CTSB: variants seen among roughly 807,000 people sequenced by gnomAD.
CTSB encodes the protein cathepsin B, also known as APP secretase.
CTSB carries 57 observed loss-of-function variants against 44.3 expected under a neutral mutation model. The ratio of observed to expected loss-of-function variants is 1.29; its 90% CI spans 1.04 to 1.60. The LOEUF (loss-of-function observed/expected upper bound fraction) is 1.60. Ranked by LOEUF, CTSB falls within the 40% of genes most tolerant of loss-of-function variation. The pLI, the probability that CTSB is intolerant of heterozygous loss-of-function variation, is 0.00. For missense variants in CTSB, 768 were observed against 443.0 expected (o/e 1.73, Z -6.59); for synonymous variants, 320 against 168.0 (o/e 1.91, Z -7.00).
intron 8 of CTSB, 102 bp from the exon 9 acceptor site, chr8:11,845,891 C>T (rs894676698): frequency 1.4e-6 from 2 of 1,381,756 alleles, no homozygotes; most frequent in African/African-American, 2.9e-5. Context: ...GGAGAAACAG[C>T]TTCCAGAGGG....
chr8:11,852,769 G>C, intron 2 of CTSB, 74 bp from the exon 3 acceptor site: 1 of 1,412,120 alleles, frequency 7.1e-7, no homozygotes, highest in South Asian at 1.2e-5. Context: ...CACACACGAA[G>C]CCCAACCCAG....
intron 1 of CTSB, among the ~76,000 whole-genome samples, chr8:11,858,127 C>T (rs1815817305): frequency 6.6e-6 from 1 of 152,102 alleles, no homozygotes; most frequent in African/African-American, 2.4e-5. Context: ...ATGAGGAGGA[C>T]CAAAGCGCCG....
chr8:11,859,766 T>TC (rs1312014566), intron 1 of CTSB, among the ~76,000 whole-genome samples: 7 of 15,300 alleles, frequency 4.6e-4, no homozygotes, highest in Admixed American at 1.2e-3. Context: ...AGACTCTGTC[T>TC]CAAAAAAAAA....
chr8:11,862,369 C>T (rs573055691), intron 1 of CTSB: 22 of 152,326 alleles, frequency 1.4e-4, no homozygotes, highest in African/African-American at 4.3e-4. Context: ...AGAGCAGCGC[C>T]ATCTGGGAGA....
chr8:11,845,083 C>T lies in CTSB; in HGVS notation c.*42G>A. 1 of 1,311,434 alleles carries T rather than the reference C, an allele frequency of 7.6e-7. No homozygotes were observed. The highest frequency in any genetic ancestry group is 1.1e-6 in the Non-Finnish European group (1 of 904,892). 81.2% of individuals were successfully genotyped at this position (1,311,434 alleles called of 1,614,324 possible). Reference sequence around the variant, plus strand: ...TTAAAGAATAAAATGCATTTCTACCCCGATCTCGCCCCCAGGACTGGCACG... The same window carrying T: ...TTAAAGAATAAAATGCATTTCTACCTCGATCTCGCCCCCAGGACTGGCACG... On this transcript the variant is annotated 3_prime_UTR_variant, in exon 10 of 10. Coordinates refer to ENST00000353047, the MANE Select transcript of CTSB (RefSeq NM_001908.5).
chr8:11,857,187 CTAATTTTTGTAGTATAG>C, intron 1 of CTSB, among the ~76,000 whole-genome samples: 3 of 152,148 alleles, frequency 2.0e-5, no homozygotes, highest in Non-Finnish European at 4.4e-5. Flanking sequence ...CCACGTTTGG[CTAATTTTTGTAGTATAG>C]TCCGTGTTTC....
rs1817440999 is a variant in CTSB, at chr8:11,868,051, T to C, written c.-76A>G. 6.6e-6 allele frequency: 1 copy of C among 152,470 alleles called. No individual in the cohort carries two copies. The highest frequency in any genetic ancestry group is 2.4e-5 in the African/African-American group (1 of 41,376). 9.4% of individuals were successfully genotyped at this position (152,470 alleles called of 1,614,324 possible). ...GCCCAGCCTGCGCGCAGCGGAGCGGTTGGCGTTGCCGGAGCGGTTGCCGGA... is the reference window on the plus strand; with the variant it reads ...GCCCAGCCTGCGCGCAGCGGAGCGGCTGGCGTTGCCGGAGCGGTTGCCGGA... On this transcript the variant is annotated 5_prime_UTR_variant, in exon 1 of 10. Transcript: ENST00000353047.
intron 1 of CTSB, among the ~76,000 whole-genome samples, chr8:11,863,083 T>C (rs1264062399): frequency 1.3e-5 from 2 of 152,152 alleles, no homozygotes; most frequent in African/African-American, 4.8e-5. Flanking sequence ...GAGGCCAAGG[T>C]GGGAAGATTG....
In CTSB at chr8:11,843,485, C is replaced by T. The variant is rs1331186077; in HGVS notation, c.*1640G>A. ...GCTGGTTCTTCTAGTTTGCTCTATA[C>T]CAAGAACTGCTATAACATGTTTCTA... On this transcript the variant is annotated 3_prime_UTR_variant, in exon 10 of 10. Coordinates refer to ENST00000353047, the MANE Select transcript of CTSB (RefSeq NM_001908.5). 1 of 152,202 alleles carries T rather than the reference C, an allele frequency of 6.6e-6. No homozygotes were observed. Among genetic ancestry groups the T allele is most frequent in the African/African-American group, 2.4e-5 (1 of 41,426 alleles). The allele number at this position is 152,202 out of a possible 1,614,324, so 9.4% of individuals were successfully genotyped here.
chr8:11,845,617 GC>G, intron 9 of CTSB, 43 bp downstream of exon 9: 2 of 1,597,294 alleles, frequency 1.3e-6, no homozygotes, highest in Non-Finnish European at 1.7e-6. Flanking sequence ...ACGGGGTGTG[GC>G]TCACAATTCA....
intron 1 of CTSB, among the ~76,000 whole-genome samples, chr8:11,864,977 C>A (rs1816920905): frequency 6.6e-6 from 1 of 152,078 alleles, no homozygotes; most frequent in Non-Finnish European, 1.5e-5. Flanking sequence ...CCTCCTACCC[C>A]ACACAAGCTA....
intron 1 of CTSB, chr8:11,862,510 C>G (rs991345478): frequency 1.3e-5 from 2 of 152,252 alleles, no homozygotes; most frequent in African/African-American, 4.8e-5. Flanking sequence ...GGAAATTGTA[C>G]TATCAGTGAC....
At position 11,845,848 on chromosome 8, in the gene CTSB, A is replaced by AC. The variant is rs1554540572; in HGVS notation, c.794-60dup. 17 of 1,513,556 alleles carry AC rather than the reference A, an allele frequency of 1.1e-5. No homozygotes were observed. In the Admixed American group the frequency reaches 1.2e-4, roughly 11 times the overall value. The allele number at this position is 1,513,556 out of a possible 1,614,324, so 93.8% of individuals were successfully genotyped here. A position where few individuals can be genotyped will look rare whatever the true frequency, so the allele number is the denominator to read the frequency against. ...GGGCCACTGTCCCACGCCCCACAGC[A>AC]CCCCCCACACTCAGCTGGTCATGCT... is the stretch of plus-strand genomic sequence containing the variant. On this transcript the variant is annotated intron_variant, in intron 8 of 9. Coordinates refer to ENST00000353047, the MANE Select transcript of CTSB (RefSeq NM_001908.5).
At position 11,843,679 on chromosome 8, in the gene CTSB, A is replaced by G. The variant is rs994224770; in HGVS notation, c.*1446T>C. On this transcript the variant is annotated 3_prime_UTR_variant, in exon 10 of 10. Coordinates refer to ENST00000353047, the MANE Select transcript of CTSB (RefSeq NM_001908.5). The stretch of plus-strand genomic sequence containing the variant: ...AGCATCTTGGTTATGTGAGATCACC[A>G]AGACACCAAGCCTGTTTTATGAGCT... 4 of 152,234 alleles carry G rather than the reference A, an allele frequency of 2.6e-5. No individual in the cohort carries two copies. The highest frequency in any genetic ancestry group is 9.6e-5 in the African/African-American group (4 of 41,456). The allele number at this position is 152,234 out of a possible 1,614,324, so 9.4% of individuals were successfully genotyped here.
rs377709174 is a variant in CTSB at position 11,848,650 on chromosome 8, G to C, written c.446+396C>G. The C allele has an allele frequency of 2.0e-3, 611 of 305,702 alleles. 4 individuals are homozygous for C. The highest frequency in any genetic ancestry group is 0.012 in the African/African-American group (551 of 46,590). The allele number at this position is 305,702 out of a possible 1,614,324, so 18.9% of individuals were successfully genotyped here. The stretch of plus-strand genomic sequence containing the variant: ...ACCAAGGCGAGGCTGCAGGCAGCTG[G>C]AGCAGAAAGTTCTGTGCCACCACCT... On this transcript the variant is annotated intron_variant, in intron 5 of 9. Transcript: ENST00000353047.
chr8:11,848,414 G>A (rs1813866499), intron 5 of CTSB: 1 of 605,858 alleles, frequency 1.7e-6, no homozygotes, highest in Non-Finnish European at 3.1e-6. Context: ...GTCCATACCA[G>A]ACCAGGCTAC....
At chr8:11,861,955 C>G (rs1034971982) in intron 1 of CTSB, among the ~76,000 whole-genome samples, 2 of 152,144 alleles carry the variant, frequency 1.3e-5, no homozygotes, top group East Asian at 3.9e-4. Context: ...CGCCTGTAAT[C>G]CCAGTACTTT....
rs570371082 is a variant in CTSB, at chr8:11,857,706, C to T, written c.-25-4227G>A. On this transcript the variant is annotated intron_variant, in intron 1 of 9. Coordinates refer to ENST00000353047, the MANE Select transcript of CTSB (RefSeq NM_001908.5). ...CACTAGCAGGCGACTTCCCTGCACC[C>T]GCCCTCCTTTTCATGGTTCCCAGGC... Among the ~76,000 whole-genome samples the T allele has an allele frequency of 2.7e-3, 405 of 152,224 alleles. 2 individuals are homozygous for T. The highest frequency in any genetic ancestry group is 9.4e-3 in the African/African-American group (390 of 41,538).
At chr8:11,853,649 AG>A in intron 1 of CTSB, 170 bp from the exon 2 acceptor site, 1 of 617,334 alleles carries the variant, frequency 1.6e-6, no homozygotes, top group South Asian at 2.5e-5. Context: ...CCCTGCCCGA[AG>A]CACGCCATGA....
Sources: allele counts gnomAD v4.1 joint callset (sites outside exome capture counted in the v4.1 genomes callset), GRCh38; gene constraint gnomAD v4.1.1; transcripts MANE v1.5; gene names NCBI Gene and HGNC (gene_info 2026-07-23, HGNC 2026-07-21).